Variants in LARGE1 observed in about 807,000 individuals in gnomAD.
The protein encoded by LARGE1 is xylosyl- and glucuronyltransferase LARGE1.
A neutral mutation model predicts 87.6 loss-of-function variants in LARGE1; 43 were observed. That is an observed-to-expected ratio of 0.49 (90% CI 0.38 to 0.63). The LOEUF (loss-of-function observed/expected upper bound fraction) is 0.63, where lower values mean the gene tolerates loss of function less well. LARGE1 is among the 30% of genes least tolerant of loss of function. The pLI, the probability that LARGE1 is intolerant of heterozygous loss-of-function variation, is 0.00. For synonymous variants in LARGE1, 434 were observed against 394.6 expected (o/e 1.10, Z -1.18); for missense variants, 802 against 1,000.2 (o/e 0.80, Z 2.67).
chr22:33,850,765 G>A (rs1941430054), intron 1 of LARGE1, among the ~76,000 whole-genome samples: 1 of 152,110 alleles, frequency 6.6e-6, no homozygotes, highest in Non-Finnish European at 1.5e-5. Flanking sequence ...GGGCATAAAG[G>A]TAGCAGCTGG....
At chr22:33,436,397 G>A (rs926395851) in intron 6 of LARGE1, among the ~76,000 whole-genome samples, 2 of 152,168 alleles carry the variant, frequency 1.3e-5, no homozygotes, top group Admixed American at 6.5e-5. Flanking sequence ...GGCCATTCTC[G>A]AACTCTGCCT....
At position 33,475,744 on chromosome 22, in the gene LARGE1, G is replaced by T. The variant is rs371262794; in HGVS notation, c.788-43479C>A. Among the ~76,000 whole-genome samples the T allele has an allele frequency of 1.6e-4, 25 of 152,232 alleles. No individual in the cohort carries two copies. The East Asian group carries it at 4.4e-3, about 27-fold the overall frequency. Reference sequence around the variant, plus strand: ...CTCCCAAAGTGTTGGGATTACAGGCGTGAGCCACCGCACCTGGCCTAACTC... The same window carrying T: ...CTCCCAAAGTGTTGGGATTACAGGCTTGAGCCACCGCACCTGGCCTAACTC... On this transcript the variant is annotated intron_variant, in intron 6 of 14. Coordinates refer to ENST00000397394, the MANE Select transcript of LARGE1 (RefSeq NM_133642.5).
intron 9 of LARGE1, among the ~76,000 whole-genome samples, chr22:33,341,040 G>A (rs1939088302): frequency 6.7e-6 from 1 of 148,742 alleles, no homozygotes; most frequent in South Asian, 2.1e-4. Flanking sequence ...TATATCAAAT[G>A]TAATGGACTA....
At chr22:33,720,946 T>G (rs1307730091) in intron 2 of LARGE1, among the ~76,000 whole-genome samples, 1 of 152,192 alleles carries the variant, frequency 6.6e-6, no homozygotes, top group Non-Finnish European at 1.5e-5. Flanking sequence ...AAAGAGAGCC[T>G]GCTTTGGGTG....
chr22:33,720,592 A>C lies in LARGE1; in HGVS notation c.106+40779T>G, dbSNP rs534575452. Among the ~76,000 whole-genome samples, 6 of 152,372 alleles carry C rather than the reference A, an allele frequency of 3.9e-5. No homozygotes were observed. The South Asian group carries it at 6.2e-4, about 16-fold the overall frequency. On this transcript the variant is annotated intron_variant, in intron 2 of 14. Transcript: ENST00000397394. The stretch of plus-strand genomic sequence containing the variant: ...AAAAGTACTACAATTACTTTTTAAT[A>C]ATTTGTTTTCTTTACTGAGAGTGAC...
At chr22:33,148,513 T>C in the LARGE1 span, among the ~76,000 whole-genome samples, 9 of 152,240 alleles carry the variant, frequency 5.9e-5, no homozygotes, top group African/African-American at 1.9e-4. Context: ...TTTGGGGCTA[T>C]AACAAATAAA....
chr22:33,828,580 G>A (rs1412823125), intron 1 of LARGE1, among the ~76,000 whole-genome samples: 2 of 152,178 alleles, frequency 1.3e-5, no homozygotes, highest in South Asian at 2.1e-4. Context: ...AAGGAGGAGT[G>A]AGAAGTAAGC....
chr22:33,568,659 G>A (rs2078099846), intron 5 of LARGE1, among the ~76,000 whole-genome samples: 1 of 151,016 alleles, frequency 6.6e-6, no homozygotes, highest in African/African-American at 2.4e-5. Flanking sequence ...CCAGCTACTC[G>A]GGAGGCTGAG....
chr22:33,460,690 T>A (rs978982202), intron 6 of LARGE1, among the ~76,000 whole-genome samples: 1 of 152,100 alleles, frequency 6.6e-6, no homozygotes, highest in South Asian at 2.1e-4. Context: ...TTGGTTTTAA[T>A]GGGGCAAACA....
chr22:33,844,921 T>C (rs950983539), intron 1 of LARGE1, among the ~76,000 whole-genome samples: 2 of 152,002 alleles, frequency 1.3e-5, no homozygotes, highest in Admixed American at 1.3e-4. Flanking sequence ...GGTTTCTCCA[T>C]GTTGGTTAGG....
chr22:33,591,125 C>G (rs1042673807), intron 5 of LARGE1, among the ~76,000 whole-genome samples: 1 of 152,186 alleles, frequency 6.6e-6, no homozygotes, highest in Non-Finnish European at 1.5e-5. Flanking sequence ...CGCTTGAACC[C>G]GCGAGGCGGA....
the LARGE1 span, among the ~76,000 whole-genome samples, chr22:33,079,151 GATTAAGGTAC>G: frequency 6.7e-6 from 1 of 149,330 alleles, no homozygotes; most frequent in East Asian, 2.0e-4. Flanking sequence ...ATGATTAAAT[GATTAAGGTAC>G]ATAAAGCGCT....
chr22:33,281,251 A>G (rs2145872659), intron 13 of LARGE1, among the ~76,000 whole-genome samples: 1 of 152,248 alleles, frequency 6.6e-6, no homozygotes, highest in African/African-American at 2.4e-5. Flanking sequence ...TGGTATGAAG[A>G]CGGCAGGAAG....
intron 10 of LARGE1, among the ~76,000 whole-genome samples, chr22:33,330,229 T>C (rs1018986230): frequency 1.3e-5 from 2 of 152,184 alleles, no homozygotes; most frequent in Admixed American, 1.3e-4. Context: ...GGAAGGATTC[T>C]GAATAGAAAA....
chr22:33,495,235 C>A (rs2070048554), intron 6 of LARGE1, among the ~76,000 whole-genome samples: 1 of 152,146 alleles, frequency 6.6e-6, no homozygotes. Flanking sequence ...AGCTTCTCAT[C>A]CTTTGAACTT....
rs571762252 is a variant in LARGE1, at chr22:33,266,324, C to T, written c.1730+37905G>A. Among the ~76,000 whole-genome samples the T allele has an allele frequency of 3.6e-4, 54 of 148,082 alleles. No homozygotes were observed. The East Asian group carries it at 6.7e-3, about 18-fold the overall frequency. On this transcript the variant is annotated intron_variant, in intron 11 of 11. Coordinates refer to the LARGE1 transcript ENST00000608642. ...GCAACCTCCACCTCCTCGGTTCAAG[C>T]GATTATCCTGCCTCAGCCTCCCGAG...
chr22:33,317,813 G>A (rs2146321833), intron 10 of LARGE1, among the ~76,000 whole-genome samples: 1 of 152,296 alleles, frequency 6.6e-6, no homozygotes, highest in African/African-American at 2.4e-5. Flanking sequence ...CGGGCATGTG[G>A]GGTGGGGGAG....
chr22:33,872,654 A>T (rs1467341554), intron 1 of LARGE1, among the ~76,000 whole-genome samples: 1 of 151,870 alleles, frequency 6.6e-6, no homozygotes, highest in African/African-American at 2.4e-5. Context: ...AGCTGGTCTT[A>T]TGGAGCACAC....
At chr22:33,907,637 G>A (rs775577191) in intron 1 of LARGE1, among the ~76,000 whole-genome samples, 2 of 151,410 alleles carry the variant, frequency 1.3e-5, no homozygotes, top group African/African-American at 4.9e-5. Flanking sequence ...GCGCGATCTC[G>A]GCTCACTGCA....
Sources: gnomAD v4.1 joint callset for allele counts (sites outside exome capture counted in the v4.1 genomes callset) on GRCh38, gnomAD v4.1.1 for gene constraint, MANE v1.5 for transcripts, NCBI Gene and HGNC (gene_info 2026-07-23, HGNC 2026-07-21) for gene names.